Variants in GRID1 observed in about 807,000 individuals in gnomAD.
GRID1 encodes glutamate ionotropic receptor delta type subunit 1.
In GRID1, 28 loss-of-function variants were observed where a neutral mutation model predicts 98.0. The observed-to-expected ratio is 0.29, with a 90% CI of 0.21 to 0.39. The LOEUF (loss-of-function observed/expected upper bound fraction) is 0.39, where lower values mean the gene tolerates loss of function less well. Ranked by LOEUF, GRID1 falls within the 10% of genes least tolerant of loss-of-function variation. GRID1 has a pLI of 1.00. For synonymous variants in GRID1, 553 were observed against 538.5 expected (o/e 1.03, Z -0.37); for missense variants, 1,111 against 1,340.5 (o/e 0.83, Z 2.67).
rs756654035 is a variant in GRID1 at position 85,724,372 on chromosome 10, T to C, written c.1838A>G (p.Tyr613Cys). The stretch of plus-strand genomic sequence containing the variant: ...GGTACCTTGCTGTACGAAGGCTCCA[T>C]AGACAATCCAGATGGCGCTGTGCAG... ...ATLHSAIWIV[Y>C]GAFVQQGGES... Residue 613 changes from tyrosine to cysteine, a missense_variant, in exon 11 of 16, where the codon TAT becomes TGT. Physicochemically the swap from Tyr to Cys is radical, Grantham distance 194. Coordinates refer to ENST00000327946, the MANE Select transcript of GRID1 (RefSeq NM_017551.3). 18 of 1,614,030 alleles carry C rather than the reference T, an allele frequency of 1.1e-5. No homozygotes were observed. Among genetic ancestry groups the C allele is most frequent in the East Asian group, 2.2e-5 (1 of 44,850 alleles).
rs535490951 is a variant in GRID1 at position 86,214,391 on chromosome 10, A to G, written c.236-7743T>C. Among the ~76,000 whole-genome samples the G allele has an allele frequency of 5.3e-5, 8 of 152,252 alleles. No individual in the cohort carries two copies. In the South Asian group the frequency reaches 1.7e-3, roughly 32 times the overall value. On this transcript the variant is annotated intron_variant, in intron 2 of 15. Transcript: ENST00000327946. Reference sequence around the variant, plus strand: ...CCTGTGTGCTGGGTAGGTAACCATCATTCCCTCTAGAGAACCTTCCACACC... The same window carrying G: ...CCTGTGTGCTGGGTAGGTAACCATCGTTCCCTCTAGAGAACCTTCCACACC...
chr10:86,076,318 A>G (rs141971098), intron 4 of GRID1, among the ~76,000 whole-genome samples: 1 of 152,372 alleles, frequency 6.6e-6, no homozygotes, highest in African/African-American at 2.4e-5. Context: ...AACAGTAAGT[A>G]ATTAACAGGT....
At chr10:85,690,756 C>A (rs1841322626) in intron 12 of GRID1, among the ~76,000 whole-genome samples, 1 of 152,164 alleles carries the variant, frequency 6.6e-6, no homozygotes, top group Admixed American at 6.5e-5. Flanking sequence ...ATCAAATTCA[C>A]TGGCATATCA....
At chr10:86,273,691 T>G (rs1329672167) in intron 2 of GRID1, among the ~76,000 whole-genome samples, 1 of 152,176 alleles carries the variant, frequency 6.6e-6, no homozygotes, top group African/African-American at 2.4e-5. Context: ...TCATGTGTTT[T>G]TTGGCTGCAT....
chr10:86,219,467 C>G (rs542144328), intron 2 of GRID1, among the ~76,000 whole-genome samples: 1 of 152,204 alleles, frequency 6.6e-6, no homozygotes, highest in Admixed American at 6.5e-5. Context: ...AGTTGTTTAC[C>G]GACCTTGGCT....
intron 2 of GRID1, among the ~76,000 whole-genome samples, chr10:86,268,802 T>C (rs539279370): frequency 2.6e-5 from 4 of 152,142 alleles, no homozygotes; most frequent in Non-Finnish European, 5.9e-5. Flanking sequence ...ACTAGCCTGG[T>C]CAACATGGTG....
chr10:85,713,435 G>T (rs1212040134), intron 12 of GRID1, among the ~76,000 whole-genome samples: 1 of 151,424 alleles, frequency 6.6e-6, no homozygotes, highest in East Asian at 1.9e-4. Context: ...AAAGAAAAAT[G>T]CCAATCCTTC....
intron 12 of GRID1, among the ~76,000 whole-genome samples, chr10:85,707,990 C>T (rs1423384904): frequency 6.6e-6 from 1 of 151,742 alleles, no homozygotes. Flanking sequence ...GGAGGGATAG[C>T]ATTAGGAGAT....
intron 4 of GRID1, among the ~76,000 whole-genome samples, chr10:86,062,499 C>T (rs960227991): frequency 1.3e-5 from 2 of 152,150 alleles, no homozygotes; most frequent in African/African-American, 4.8e-5. Flanking sequence ...CCTCTGCGAG[C>T]ACCTTCTTAG....
At chr10:85,658,706 G>A (rs1359139392) in intron 12 of GRID1, among the ~76,000 whole-genome samples, 1 of 152,140 alleles carries the variant, frequency 6.6e-6, no homozygotes, top group South Asian at 2.1e-4. Context: ...GGGACTGTGG[G>A]CAAAGAGGGA....
chr10:86,096,076 T>A (rs1275912991), intron 4 of GRID1, among the ~76,000 whole-genome samples: 1 of 152,200 alleles, frequency 6.6e-6, no homozygotes, highest in East Asian at 1.9e-4. Flanking sequence ...AGACTATTAT[T>A]CTAAGTGATG....
Position 85,616,062 on chromosome 10 carries a change from C to T in GRID1, c.2361-2415G>A, listed in dbSNP as rs74148720. Among the ~76,000 whole-genome samples, 250 of 152,246 alleles carry T rather than the reference C, an allele frequency of 1.6e-3. 2 individuals carry two copies. The highest frequency in any genetic ancestry group is 5.9e-3 in the African/African-American group (243 of 41,528). ...ATGAGAAGAGGGAACACATACAGAC[C>T]GTTAGCTCGAGATCCAGCCAGTAAT... is the stretch of plus-strand genomic sequence containing the variant. On this transcript the variant is annotated intron_variant, in intron 14 of 15. Coordinates refer to ENST00000327946, the MANE Select transcript of GRID1 (RefSeq NM_017551.3).
intron 4 of GRID1, among the ~76,000 whole-genome samples, chr10:85,930,603 T>C (rs1490346062): frequency 6.6e-6 from 1 of 151,992 alleles, no homozygotes; most frequent in African/African-American, 2.4e-5. Flanking sequence ...ACTGCTATTA[T>C]GCTTACTTTT....
intron 2 of GRID1, among the ~76,000 whole-genome samples, chr10:86,261,076 C>A (rs975603528): frequency 1.1e-4 from 17 of 152,330 alleles, no homozygotes; most frequent in Admixed American, 3.9e-4. Flanking sequence ...AAACACCCAG[C>A]CATGAGGGCT....
chr10:85,691,945 C>T (rs965293175), intron 12 of GRID1, among the ~76,000 whole-genome samples: 2 of 152,088 alleles, frequency 1.3e-5, no homozygotes, highest in Non-Finnish European at 2.9e-5. Flanking sequence ...CCACTGCACA[C>T]TGGGAGACTG....
chr10:85,935,509 G>A (rs1354597020), intron 4 of GRID1, among the ~76,000 whole-genome samples: 1 of 152,206 alleles, frequency 6.6e-6, no homozygotes, highest in Non-Finnish European at 1.5e-5. Flanking sequence ...ATGCCTCAGA[G>A]CTGGGACATG....
chr10:85,670,273 G>T (rs539293904), intron 12 of GRID1, among the ~76,000 whole-genome samples: 1 of 152,240 alleles, frequency 6.6e-6, no homozygotes, highest in South Asian at 2.1e-4. Context: ...GGAAAATGAT[G>T]TTGTGTAGAC....
intron 12 of GRID1, among the ~76,000 whole-genome samples, chr10:85,673,734 C>CT (rs1841113613): frequency 6.6e-6 from 1 of 152,230 alleles, no homozygotes; most frequent in South Asian, 2.1e-4. Context: ...TTTATATGCA[C>CT]TGGAAAACCA....
chr10:85,762,932 A>G (rs1842160553), intron 8 of GRID1, among the ~76,000 whole-genome samples: 1 of 152,208 alleles, frequency 6.6e-6, no homozygotes, highest in African/African-American at 2.4e-5. Context: ...CCAAAGTCAC[A>G]GCTAGGATTT....
Sources: allele counts gnomAD v4.1 joint callset (sites outside exome capture counted in the v4.1 genomes callset), GRCh38; gene constraint gnomAD v4.1.1; transcripts MANE v1.5; gene names NCBI Gene and HGNC (gene_info 2026-07-23, HGNC 2026-07-21).